The following TNFSF18 variants were observed in gnomAD, a reference collection of about 807,000 sequenced individuals.
TNFSF18 encodes the protein TNF superfamily member 18, also known as tumor necrosis factor ligand superfamily member 18.
TNFSF18 carries 6 observed loss-of-function variants against 9.6 expected under a neutral mutation model. The ratio of observed to expected loss-of-function variants is 0.63; its 90% CI spans 0.34 to 1.24. The LOEUF (loss-of-function observed/expected upper bound fraction) is 1.24. Ranked by LOEUF, TNFSF18 falls within the 50% of genes most tolerant of loss-of-function variation. The pLI is 0.03. For missense variants in TNFSF18, 210 were observed against 201.0 expected (o/e 1.04, Z -0.27); for synonymous variants, 68 against 71.7 (o/e 0.95, Z 0.26).
In TNFSF18 at chr1:173,050,811, A is replaced by G; in HGVS notation, c.86T>C (p.Phe29Ser). Residue 29 changes from phenylalanine (F) to serine (S), a missense_variant, in exon 1 of 3, where the codon TTT becomes TCT. Coordinates refer to ENST00000404377, the MANE Select transcript of TNFSF18 (RefSeq NM_005092.4). ...AQRSSWKLWLFCSIVMLLFLC... is the reference protein window; with the variant it reads ...AQRSSWKLWLSCSIVMLLFLC... ...AAATAGCAACATAACTATTGAGCAAAAGAGCCACAGCTTCCAGGATGATCT... is the reference window on the plus strand; with the variant it reads ...AAATAGCAACATAACTATTGAGCAAGAGAGCCACAGCTTCCAGGATGATCT... 1 of 1,613,534 alleles carries G rather than the reference A, an allele frequency of 6.2e-7. No homozygotes were observed. The highest frequency in any genetic ancestry group is 1.3e-5 in the African/African-American group (1 of 75,048).
In TNFSF18 at chr1:173,041,569, G is replaced by A. The variant is rs759659123; in HGVS notation, c.332C>T (p.Ala111Val). The A allele has an allele frequency of 6.2e-6, 10 of 1,613,574 alleles. No individual in the cohort carries two copies. In the Admixed American group the frequency reaches 1.5e-4, roughly 24 times the overall value. Residue 111 changes from alanine (A) to valine (V), a missense_variant, in exon 3 of 3, where the codon GCT (alanine) becomes GTT (valine). Ala to Val is a moderately conservative substitution (Grantham distance 64). Transcript: ENST00000404377. ...TTTATACAGCCGCACCTCAAAAGGA[G>A]CTACATCATTGTAGTTTGCATTGGG... is the stretch of plus-strand genomic sequence containing the variant. ...VAPNANYNDVAPFEVRLYKNK... is the reference protein window; with the variant it reads ...VAPNANYNDVVPFEVRLYKNK...
chr1:173,049,786 C>A (rs2101929035), intron 1 of TNFSF18, among the ~76,000 whole-genome samples: 1 of 152,276 alleles, frequency 6.6e-6, no homozygotes, highest in East Asian at 1.9e-4. Flanking sequence ...TCAAATTTAG[C>A]CAGAAATAGG....
At position 173,039,680 on chromosome 1, in the gene TNFSF18, CAACA is replaced by C. The variant is rs1664958450; in HGVS notation, c.*1683_*1686del. Among the ~76,000 whole-genome samples, 1 of 151,786 alleles carries C rather than the reference CAACA, an allele frequency of 6.6e-6. No homozygotes were observed. The highest frequency in any genetic ancestry group is 1.5e-5 in the Non-Finnish European group (1 of 67,934). On this transcript the variant is annotated 3_prime_UTR_variant, in exon 3 of 3. Transcript: ENST00000404377. ...ACTCCAGCACACATTGCTTATAACACAACAAAGATCAAGAACACCAAGATTTTAT... is the reference window on the plus strand; with the variant it reads ...ACTCCAGCACACATTGCTTATAACACAAGATCAAGAACACCAAGATTTTAT...
chr1:173,045,954 A>T (rs1377697379), intron 1 of TNFSF18, among the ~76,000 whole-genome samples: 1 of 152,114 alleles, frequency 6.6e-6, no homozygotes, highest in Non-Finnish European at 1.5e-5. Flanking sequence ...TAAAATATGG[A>T]GGCAACGTTA....
At position 173,039,494 on chromosome 1, in the gene TNFSF18, C is replaced by T. The variant is rs2101924947; in HGVS notation, c.*1873G>A. Among the ~76,000 whole-genome samples the T allele has an allele frequency of 6.6e-6, 1 of 152,190 alleles. No homozygotes were observed. The highest frequency in any genetic ancestry group is 1.9e-4 in the East Asian group (1 of 5,188). On this transcript the variant is annotated 3_prime_UTR_variant, in exon 3 of 3. Coordinates refer to ENST00000404377, the MANE Select transcript of TNFSF18 (RefSeq NM_005092.4). ...TTAAGGAGAGTTTCACAGTGGTGTG[C>T]TGGTGAACTAGCTGTCCAAAAGGAA...
intron 1 of TNFSF18, among the ~76,000 whole-genome samples, chr1:173,044,440 C>T (rs895633659): frequency 1.3e-5 from 2 of 152,138 alleles, no homozygotes; most frequent in Admixed American, 1.3e-4. Context: ...GATGAAACCA[C>T]CCATGTATAA....
At chr1:173,049,235 G>A (rs577690166) in intron 1 of TNFSF18, among the ~76,000 whole-genome samples, 62 of 152,240 alleles carry the variant, frequency 4.1e-4, no homozygotes, top group African/African-American at 1.3e-3. Flanking sequence ...AGGCTTCTGT[G>A]TATTCATTCC....
Position 173,041,606 on chromosome 1 carries a change from C to T in TNFSF18, c.295G>A (p.Gly99Ser), listed in dbSNP as rs532395615. The T allele has an allele frequency of 3.5e-5, 56 of 1,613,526 alleles. No homozygotes were observed. The Admixed American group carries it at 7.0e-4, about 20-fold the overall frequency. ...ILQNGLYLIY[G>S]QVAPNANYND... Reference sequence around the variant, plus strand: ...TAGTTTGCATTGGGAGCCACTTGGCCATAAATTAAATATAAGCCATTCTGA... The same window carrying T: ...TAGTTTGCATTGGGAGCCACTTGGCTATAAATTAAATATAAGCCATTCTGA... Residue 99 changes from glycine (G) to serine (S), a missense_variant, in exon 3 of 3, where the codon GGC (glycine) becomes AGC (serine). Coordinates refer to ENST00000404377, the MANE Select transcript of TNFSF18 (RefSeq NM_005092.4).
intron 1 of TNFSF18, 31 bp downstream of exon 1, chr1:173,050,710 A>G (rs1665156243): frequency 2.8e-6 from 4 of 1,422,212 alleles, no homozygotes; most frequent in Non-Finnish European, 3.9e-6. Context: ...ATTATAGCAA[A>G]TAGTAACCTT....
At chr1:173,044,080 C>T in intron 1 of TNFSF18, 111 bp from the exon 2 acceptor site, 1 of 1,026,614 alleles carries the variant, frequency 9.7e-7, no homozygotes, top group Non-Finnish European at 1.5e-6. Context: ...GTTCTATAAC[C>T]ATAAAAAAAA....
intron 1 of TNFSF18, among the ~76,000 whole-genome samples, chr1:173,048,469 T>C (rs1188901788): frequency 6.6e-6 from 1 of 152,198 alleles, no homozygotes; most frequent in Non-Finnish European, 1.5e-5. Flanking sequence ...TCTGAAAGTA[T>C]CCTTCATTTT....
intron 1 of TNFSF18, 48 bp downstream of exon 1, chr1:173,050,693 A>G (rs1385519350): frequency 4.7e-6 from 6 of 1,277,278 alleles, no homozygotes; most frequent in African/African-American, 1.5e-5. Context: ...AAACAAATAA[A>G]TAGAGGATTA....
intron 1 of TNFSF18, among the ~76,000 whole-genome samples, chr1:173,050,323 A>G (rs758299644): frequency 3.3e-5 from 5 of 152,140 alleles, no homozygotes; most frequent in Non-Finnish European, 5.9e-5. Context: ...ACCACCTGTC[A>G]TTTACTTAAT....
intron 2 of TNFSF18, among the ~76,000 whole-genome samples, chr1:173,042,410 T>G (rs1359974686): frequency 6.6e-6 from 1 of 152,142 alleles, no homozygotes; most frequent in African/African-American, 2.4e-5. Context: ...TGAATGATAC[T>G]TCCATGTTCC....
intron 1 of TNFSF18, among the ~76,000 whole-genome samples, chr1:173,048,097 G>A (rs992433995): frequency 1.3e-5 from 2 of 151,930 alleles, no homozygotes; most frequent in African/African-American, 4.8e-5. Context: ...GAGGAAATGA[G>A]GATGAGAGGG....
chr1:173,041,062 AT>A lies in TNFSF18; in HGVS notation c.*304del. ...AAATCTTCCATGGGAATAGAACTCC[AT>A]TTTTCCACTCATGAATTCAAGAATT... is the stretch of plus-strand genomic sequence containing the variant. On this transcript the variant is annotated 3_prime_UTR_variant, in exon 3 of 3. Transcript: ENST00000404377. The A allele has an allele frequency of 4.3e-6, 1 of 231,232 alleles. No homozygotes were observed. The highest frequency in any genetic ancestry group is 5.4e-5 in the Admixed American group (1 of 18,444). The allele number at this position is 231,232 out of a possible 1,614,324, so 14.3% of individuals were successfully genotyped here. A position where few individuals can be genotyped will look rare whatever the true frequency, so the allele number is the denominator to read the frequency against.
chr1:173,050,371 T>C (rs1183760181), intron 1 of TNFSF18, among the ~76,000 whole-genome samples: 1 of 152,124 alleles, frequency 6.6e-6, no homozygotes, highest in African/African-American at 2.4e-5. Flanking sequence ...TTTCCATAAA[T>C]AAGACTATAG....
In TNFSF18 at chr1:173,041,134, T is replaced by C. The variant is rs1193062008; in HGVS notation, c.*233A>G. The C allele has an allele frequency of 1.5e-5, 6 of 398,950 alleles. No individual in the cohort carries two copies. The South Asian group carries it at 3.4e-4, about 23-fold the overall frequency. The allele number at this position is 398,950 out of a possible 1,614,324, so 24.7% of individuals were successfully genotyped here. A position where few individuals can be genotyped will look rare whatever the true frequency, so the allele number is the denominator to read the frequency against. ...GCACATGTCCTCTGTCATCCATATT[T>C]GTTTTATCATGGATTAATGAAGTAT... On this transcript the variant is annotated 3_prime_UTR_variant, in exon 3 of 3. Transcript: ENST00000404377.
rs1475835921 is a variant in TNFSF18, at chr1:173,044,810, G to A, written c.157-841C>T. 2.0e-5 allele frequency among the ~76,000 whole-genome samples: 3 copies of A among 152,164 alleles called. No individual in the cohort carries two copies. The East Asian group carries it at 5.8e-4, about 29-fold the overall frequency. On this transcript the variant is annotated intron_variant, in intron 1 of 2. Coordinates refer to ENST00000404377, the MANE Select transcript of TNFSF18 (RefSeq NM_005092.4). Reference sequence around the variant, plus strand: ...GCAAATGTAGTGAGACTAGCTAAGAGATCATTACAGTCATTCATCTAGGCA... The same window carrying A: ...GCAAATGTAGTGAGACTAGCTAAGAAATCATTACAGTCATTCATCTAGGCA...
Sources: allele counts gnomAD v4.1 joint callset (sites outside exome capture counted in the v4.1 genomes callset), GRCh38; gene constraint gnomAD v4.1.1; transcripts MANE v1.5; gene names NCBI Gene and HGNC (gene_info 2026-07-23, HGNC 2026-07-21).